The following SUGCT variants were observed in gnomAD, a reference collection of about 807,000 sequenced individuals.
SUGCT encodes the protein succinyl-CoA:glutarate-CoA transferase, also known as succinyl-CoA:glutarate CoA-transferase.
A neutral mutation model predicts 55.0 loss-of-function variants in SUGCT; 41 were observed. The observed-to-expected ratio is 0.74, with a 90% CI of 0.58 to 0.97. SUGCT has a LOEUF of 0.97. SUGCT is among the 50% of genes least tolerant of loss of function. SUGCT has a pLI of 0.00. For synonymous variants in SUGCT, 187 were observed against 200.4 expected (o/e 0.93, Z 0.56); for missense variants, 568 against 547.8 (o/e 1.04, Z -0.37).
At chr7:40,508,719 A>AT (rs1792753967) in intron 12 of SUGCT, among the ~76,000 whole-genome samples, 1 of 152,032 alleles carries the variant, frequency 6.6e-6, no homozygotes, top group Non-Finnish European at 1.5e-5. Flanking sequence ...TAAAAAAAAA[A>AT]TTTTCACCAG....
At chr7:40,178,864 A>G (rs1391277291) in intron 1 of SUGCT, among the ~76,000 whole-genome samples, 1 of 152,122 alleles carries the variant, frequency 6.6e-6, no homozygotes, top group Non-Finnish European at 1.5e-5. Flanking sequence ...TTCACTAAAG[A>G]AGCTCATATT....
chr7:40,849,990 A>T (rs1793771016), intron 13 of SUGCT, among the ~76,000 whole-genome samples: 1 of 152,146 alleles, frequency 6.6e-6, no homozygotes, highest in Admixed American at 6.5e-5. Flanking sequence ...GTGGCATTTG[A>T]CAAATTCATT....
intron 6 of SUGCT, among the ~76,000 whole-genome samples, chr7:40,227,768 G>A (rs1191156186): frequency 6.6e-6 from 1 of 151,492 alleles, no homozygotes; most frequent in Non-Finnish European, 1.5e-5. Context: ...CAGGTGCTGT[G>A]GCTCACGTCT....
chr7:40,836,198 A>T (rs1792967781), intron 13 of SUGCT, among the ~76,000 whole-genome samples: 1 of 152,152 alleles, frequency 6.6e-6, no homozygotes, highest in African/African-American at 2.4e-5. Context: ...GTGCTCAGGC[A>T]TATTTTTCAT....
intron 9 of SUGCT, among the ~76,000 whole-genome samples, chr7:40,395,237 C>T (rs1043517434): frequency 3.3e-5 from 5 of 151,872 alleles, no homozygotes; most frequent in Non-Finnish European, 7.4e-5. Context: ...GCCTGCAATC[C>T]CAGCATTTTG....
At chr7:40,454,023 T>G (rs1789333765) in intron 10 of SUGCT, among the ~76,000 whole-genome samples, 2 of 152,048 alleles carry the variant, frequency 1.3e-5, no homozygotes, top group African/African-American at 4.8e-5. Context: ...AGAAAAAAAT[T>G]ACACCTCACT....
chr7:40,530,551 C>A (rs538924673), intron 12 of SUGCT, among the ~76,000 whole-genome samples: 1 of 152,248 alleles, frequency 6.6e-6, no homozygotes, highest in Admixed American at 6.5e-5. Flanking sequence ...AGCTGAAAGA[C>A]CTTGATGCTA....
chr7:40,452,562 G>C (rs1306047808), intron 10 of SUGCT, among the ~76,000 whole-genome samples: 1 of 152,084 alleles, frequency 6.6e-6, no homozygotes, highest in Admixed American at 6.5e-5. Context: ...TATATCCAAG[G>C]TATAATGTTT....
intron 12 of SUGCT, among the ~76,000 whole-genome samples, chr7:40,651,379 T>C (rs747278348): frequency 1.3e-5 from 2 of 152,198 alleles, no homozygotes; most frequent in Non-Finnish European, 2.9e-5. Context: ...CTTGGCCACA[T>C]GAATGTCTTC....
At chr7:40,544,631 G>A (rs1794894196) in intron 12 of SUGCT, among the ~76,000 whole-genome samples, 1 of 152,182 alleles carries the variant, frequency 6.6e-6, no homozygotes, top group Non-Finnish European at 1.5e-5. Flanking sequence ...TACCATGAAA[G>A]CTGCCTTGCC....
At chr7:40,932,314 T>TACATTTGCTGAGG in the SUGCT span, among the ~76,000 whole-genome samples, 1 of 152,320 alleles carries the variant, frequency 6.6e-6, no homozygotes, top group African/African-American at 2.4e-5. Context: ...TTTGTTCTTT[T>TACATTTGCTGAGG]ACATTTGCTG....
chr7:40,288,520 C>A (rs10260748), intron 8 of SUGCT, among the ~76,000 whole-genome samples: 19,231 of 151,838 alleles, frequency 0.13, 1,603 homozygotes, highest in Middle Eastern at 0.2. Flanking sequence ...TCAGTTATTG[C>A]AAGGCTTTAG....
chr7:40,550,580 A>G (rs1562855164), intron 12 of SUGCT, among the ~76,000 whole-genome samples: 1 of 152,212 alleles, frequency 6.6e-6, no homozygotes, highest in Non-Finnish European at 1.5e-5. Context: ...CAGGGCTCTT[A>G]TTCTGAGACT....
At chr7:40,488,753 G>A (rs942642624) in intron 11 of SUGCT, among the ~76,000 whole-genome samples, 1 of 152,052 alleles carries the variant, frequency 6.6e-6, no homozygotes, top group Non-Finnish European at 1.5e-5. Context: ...CTGGTTGATG[G>A]TTATTTTCCT....
intron 9 of SUGCT, among the ~76,000 whole-genome samples, chr7:40,416,403 A>AT (rs1411132788): frequency 6.6e-6 from 1 of 151,704 alleles, no homozygotes; most frequent in African/African-American, 2.4e-5. Flanking sequence ...GGTCATTCTG[A>AT]TTTTAATGAT....
At chr7:40,179,610 C>T (rs1785086869) in intron 1 of SUGCT, among the ~76,000 whole-genome samples, 1 of 152,136 alleles carries the variant, frequency 6.6e-6, no homozygotes, top group Non-Finnish European at 1.5e-5. Flanking sequence ...GCTGGATTCA[C>T]CTGGGTTTAT....
chr7:40,726,229 A>G (rs572703383), intron 12 of SUGCT, among the ~76,000 whole-genome samples: 1 of 152,146 alleles, frequency 6.6e-6, no homozygotes, highest in Non-Finnish European at 1.5e-5. Context: ...AGCCTTACCA[A>G]TAACAAACAA....
At chr7:40,413,703 A>G (rs1373082182) in intron 9 of SUGCT, among the ~76,000 whole-genome samples, 2 of 152,166 alleles carry the variant, frequency 1.3e-5, no homozygotes, top group Non-Finnish European at 2.9e-5. Flanking sequence ...TGTATAATGA[A>G]TTTTTACAAA....
At chr7:40,474,642 T>G (rs962623816) in intron 11 of SUGCT, among the ~76,000 whole-genome samples, 2 of 152,144 alleles carry the variant, frequency 1.3e-5, no homozygotes, top group Non-Finnish European at 2.9e-5. Context: ...CTCAGGTTGG[T>G]CAGGGGATGT....
Sources: gnomAD v4.1 joint callset for allele counts (sites outside exome capture counted in the v4.1 genomes callset) on GRCh38, gnomAD v4.1.1 for gene constraint, MANE v1.5 for transcripts, NCBI Gene and HGNC (gene_info 2026-07-23, HGNC 2026-07-21) for gene names.